The following TIAM1 variants were observed in gnomAD, a reference collection of about 807,000 sequenced individuals.
TIAM1 encodes TIAM Rac1 associated GEF 1, also known as rho guanine nucleotide exchange factor TIAM1.
TIAM1 carries 65 observed loss-of-function variants against 163.5 expected under a neutral mutation model. That is an observed-to-expected ratio of 0.40 (90% CI 0.33 to 0.49). The LOEUF (loss-of-function observed/expected upper bound fraction) is 0.49, where lower values mean the gene tolerates loss of function less well. Among genes scored for constraint, TIAM1 ranks in the 20% least tolerant of loss-of-function variants. TIAM1 has a pLI of 0.77. For synonymous variants in TIAM1, 833 were observed against 810.1 expected (o/e 1.03, Z -0.48); for missense variants, 1,789 against 2,044.7 (o/e 0.87, Z 2.41).
chr21:31,385,015 A>T (rs2076841729), intron 2 of TIAM1, among the ~76,000 whole-genome samples: 1 of 152,170 alleles, frequency 6.6e-6, no homozygotes, highest in African/African-American at 2.4e-5. Flanking sequence ...GGTGGGGGCT[A>T]GTGGGAGGTG....
In TIAM1 at chr21:31,163,126, T is replaced by TC. The variant is rs544105593; in HGVS notation, c.2991+1835_2991+1836insG. Among the ~76,000 whole-genome samples, 373 of 152,356 alleles carry TC rather than the reference T, an allele frequency of 2.4e-3. 5 individuals are homozygous for TC. The highest frequency in any genetic ancestry group is 1.6e-3 in the Non-Finnish European group (106 of 68,038). On this transcript the variant is annotated intron_variant, in intron 16 of 27. Transcript: ENST00000541036. ...AAGTAAAGTAAAAATGACCTAATCA[T>TC]TTTGGATCCAATACTTTTTAAGTGT...
At chr21:31,558,436 C>G (rs1298277103) in intron 1 of TIAM1, among the ~76,000 whole-genome samples, 1 of 152,168 alleles carries the variant, frequency 6.6e-6, no homozygotes, top group Non-Finnish European at 1.5e-5. Context: ...GCGCCCAGGA[C>G]GCGTCGCCGA....
chr21:31,180,041 G>T (rs1293861857), intron 15 of TIAM1, among the ~76,000 whole-genome samples: 1 of 151,758 alleles, frequency 6.6e-6, no homozygotes, highest in African/African-American at 2.4e-5. Context: ...GAGTAGCTGG[G>T]ATTACAGGCG....
chr21:31,517,322 C>T, intron 1 of TIAM1, among the ~76,000 whole-genome samples: 1 of 152,050 alleles, frequency 6.6e-6, no homozygotes, highest in East Asian at 1.9e-4. Context: ...TCACTTGAGG[C>T]CAGGAGTTCA....
At chr21:31,233,640 G>A (rs941172527) in intron 6 of TIAM1, among the ~76,000 whole-genome samples, 1 of 152,250 alleles carries the variant, frequency 6.6e-6, no homozygotes, top group African/African-American at 2.4e-5. Flanking sequence ...GGGAGGCAGA[G>A]GATGCAGTGA....
chr21:31,363,508 C>G (rs901344277), intron 2 of TIAM1, among the ~76,000 whole-genome samples: 1 of 152,082 alleles, frequency 6.6e-6, no homozygotes, highest in Non-Finnish European at 1.5e-5. Flanking sequence ...CACAACACTC[C>G]TCCATACCAC....
intron 26 of TIAM1, 37 bp downstream of exon 26, chr21:31,127,028 T>C (rs371779151): frequency 1.9e-6 from 3 of 1,605,062 alleles, no homozygotes; most frequent in South Asian, 1.1e-5. Context: ...TCTGCAGAAA[T>C]GTCAACACGG....
intron 6 of TIAM1, among the ~76,000 whole-genome samples, chr21:31,226,501 C>T (rs758765655): frequency 4.6e-5 from 7 of 152,140 alleles, no homozygotes; most frequent in Non-Finnish European, 1.0e-4. Context: ...CTATGGAACC[C>T]TCTAAGAATT....
In TIAM1 at chr21:31,139,906, C is replaced by G. The variant is rs137912811; in HGVS notation, c.3774+1212G>C. On this transcript the variant is annotated intron_variant, in intron 22 of 27. Transcript: ENST00000541036. ...GACAGATGTGTAAATTCTGTCCAGT[C>G]TGATACTGGCCTAGCTGATTTCCTC... is the stretch of plus-strand genomic sequence containing the variant. Among the ~76,000 whole-genome samples, 12 of 152,260 alleles carry G rather than the reference C, an allele frequency of 7.9e-5. No homozygotes were observed. In the East Asian group the frequency reaches 2.3e-3, roughly 29 times the overall value.
intron 3 of TIAM1, among the ~76,000 whole-genome samples, chr21:31,267,795 CTGGGAGCAAATCCAACCTGTGAACATTAA>C (rs2072868396): frequency 6.6e-6 from 1 of 152,176 alleles, no homozygotes; most frequent in Non-Finnish European, 1.5e-5. Flanking sequence ...GGGTTTATTT[CTGGGAGCAAATCCAACCTGTGAACATTAA>C]TCTGGTACAG....
At chr21:31,130,817 G>GAATTATGCAGGCAT in intron 24 of TIAM1, 73 bp downstream of exon 24, 1 of 1,413,986 alleles carries the variant, frequency 7.1e-7, no homozygotes, top group Non-Finnish European at 1.0e-6. Context: ...CAAAATGGTA[G>GAATTATGCAGGCAT]AATTATGCAG....
rs1601530804 is a variant in TIAM1, at chr21:31,203,007, A to C, written c.2394T>G (p.His798Gln). Residue 798 changes from histidine to glutamine, a missense_variant, in exon 12 of 28, where the codon CAT becomes CAG. Physicochemically the swap from His to Gln is conservative, Grantham distance 24. Coordinates refer to ENST00000541036, the MANE Select transcript of TIAM1 (RefSeq NM_001353694.2). ...RDTLELICKT[H>Q]QLDHSAHYLR... ...GGTAATGAGCAGAATGATCCAGTTG[A>C]TGTGTCTGGGACAAAAAAGAAAGAA... is the stretch of plus-strand genomic sequence containing the variant. The C allele has an allele frequency of 1.9e-6, 3 of 1,612,006 alleles. No homozygotes were observed. Among genetic ancestry groups the C allele is most frequent in the Non-Finnish European group, 2.5e-6 (3 of 1,179,712 alleles).
intron 15 of TIAM1, among the ~76,000 whole-genome samples, chr21:31,165,360 T>C (rs1250574325): frequency 3.3e-5 from 5 of 152,318 alleles, no homozygotes; most frequent in African/African-American, 7.2e-5. Context: ...AATGTAATAG[T>C]AGTTAGAAGA....
chr21:31,370,009 G>A (rs1177906635), intron 2 of TIAM1, among the ~76,000 whole-genome samples: 1 of 152,156 alleles, frequency 6.6e-6, no homozygotes, highest in Non-Finnish European at 1.5e-5. Flanking sequence ...GGGGGCCTAA[G>A]AGAGACCCCT....
At position 31,130,337 on chromosome 21, in the gene TIAM1, C is replaced by A. The variant is rs772019421; in HGVS notation, c.3943-22G>T. 5.6e-6 allele frequency: 9 copies of A among 1,595,506 alleles called. No homozygotes were observed. The South Asian group carries it at 7.7e-5, about 14-fold the overall frequency. On this transcript the variant is annotated intron_variant, in intron 24 of 27. Coordinates refer to ENST00000541036, the MANE Select transcript of TIAM1 (RefSeq NM_001353694.2). ...CTACCTGCAGAGGAGAAGGAACCAG[C>A]TGCATAAGAAGAATCTAACCTGCCC... is the stretch of plus-strand genomic sequence containing the variant.
chr21:31,150,044 G>GA (rs1246748611), intron 19 of TIAM1, among the ~76,000 whole-genome samples: 4 of 152,234 alleles, frequency 2.6e-5, no homozygotes, highest in African/African-American at 9.6e-5. Context: ...ATACACATAG[G>GA]AGACAGGGAG....
At chr21:31,235,069 G>A (rs529900721) in intron 6 of TIAM1, among the ~76,000 whole-genome samples, 8 of 152,210 alleles carry the variant, frequency 5.3e-5, no homozygotes, top group South Asian at 2.1e-4. Context: ...TCATGAAAAC[G>A]AAGCAGCTGG....
At chr21:31,449,566 C>A (rs965279770) in intron 2 of TIAM1, among the ~76,000 whole-genome samples, 5 of 150,910 alleles carry the variant, frequency 3.3e-5, no homozygotes, top group African/African-American at 1.2e-4. Context: ...TTAGTAAAGA[C>A]GGGGTTTCAC....
intron 2 of TIAM1, among the ~76,000 whole-genome samples, chr21:31,419,799 C>A (rs113654925): frequency 0.012 from 1,848 of 152,242 alleles, 36 homozygotes; most frequent in African/African-American, 0.042. Flanking sequence ...ACCTGTAATC[C>A]CAGCACTTTG....
Sources: gnomAD v4.1 joint callset for allele counts (sites outside exome capture counted in the v4.1 genomes callset) on GRCh38, gnomAD v4.1.1 for gene constraint, MANE v1.5 for transcripts, NCBI Gene and HGNC (gene_info 2026-07-23, HGNC 2026-07-21) for gene names.